The following ZSCAN2 variants were observed in gnomAD, a reference collection of about 807,000 sequenced individuals.
The protein encoded by ZSCAN2 is zinc finger and SCAN domain containing 2.
Under a neutral mutation model 47.8 loss-of-function variants are expected in ZSCAN2, and 26 were observed. The observed-to-expected ratio is 0.54, with a 90% CI of 0.40 to 0.75. The LOEUF (loss-of-function observed/expected upper bound fraction) is 0.75. ZSCAN2 is among the 30% of genes least tolerant of loss of function. The pLI is 0.00. For missense variants in ZSCAN2, 732 were observed against 785.4 expected, an observed-to-expected ratio of 0.93 and a Z score of 0.81; for synonymous variants, 305 against 288.7, an observed-to-expected ratio of 1.06 and a Z score of -0.57.
rs558009533 is a variant in ZSCAN2, at chr15:84,610,162, A to C, written c.406+5829A>C. Among the ~76,000 whole-genome samples the C allele has an allele frequency of 5.9e-5, 9 of 152,334 alleles. No individual in the cohort carries two copies. The South Asian group carries it at 8.3e-4, about 14-fold the overall frequency. On this transcript the variant is annotated intron_variant, in intron 2 of 2. Coordinates refer to ENST00000546148, the MANE Select transcript of ZSCAN2 (RefSeq NM_181877.4). Reference sequence around the variant, plus strand: ...CCTGTGGCCCTTCAGGGACTGTTCCAGTGAATGATTTTTGGACAGTGGTCA... The same window carrying C: ...CCTGTGGCCCTTCAGGGACTGTTCCCGTGAATGATTTTTGGACAGTGGTCA...
chr15:84,618,680 G>A (rs1194850903), intron 2 of ZSCAN2, among the ~76,000 whole-genome samples: 9 of 151,492 alleles, frequency 5.9e-5, no homozygotes, highest in Admixed American at 5.9e-4. Flanking sequence ...TCCTGCCTCA[G>A]CCTCCCAAGT....
rs1419951062 is a variant in ZSCAN2, at chr15:84,620,688, G to T, written c.493G>T (p.Glu165Ter). ...ESRKIFSEMPEGESAQHSDGE... is the reference protein window; with the variant it reads ...ESRKIFSEMP ...ACGTAAGATATTCTCGGAAATGCCT[G>T]AAGGTGAAAGTGCTCAGCACTCCGA... The change falls in exon 3 of 3, where the codon GAA (glutamate) becomes TAA (stop). Residue 165 changes from glutamate to a stop codon, truncating the protein, a stop_gained. Transcript: ENST00000546148. LOFTEE classifies it high-confidence loss of function. The T allele has an allele frequency of 1.2e-6, 2 of 1,614,120 alleles. No individual in the cohort carries two copies.
At chr15:84,613,037 T>C (rs554725190) in intron 2 of ZSCAN2, among the ~76,000 whole-genome samples, 1 of 152,348 alleles carries the variant, frequency 6.6e-6, no homozygotes, top group African/African-American at 2.4e-5. Flanking sequence ...CTTGAATTTT[T>C]CCATTTGAAT....
intron 2 of ZSCAN2, among the ~76,000 whole-genome samples, chr15:84,614,152 G>A (rs990120517): frequency 1.4e-5 from 2 of 146,798 alleles, no homozygotes; most frequent in South Asian, 2.2e-4. Context: ...CAACACACCC[G>A]GCTAATTCTG....
chr15:84,603,830 T>A lies in ZSCAN2; in HGVS notation c.-98T>A. On this transcript the variant is annotated 5_prime_UTR_variant, in exon 2 of 3. Transcript: ENST00000546148. Reference sequence around the variant, plus strand: ...TTTTTTGTTTCTCAGCGGGACTACTTGTTGATATTTGAGGAGGGAAGTGTC... The same window carrying A: ...TTTTTTGTTTCTCAGCGGGACTACTAGTTGATATTTGAGGAGGGAAGTGTC... The A allele has an allele frequency of 2.2e-6, 3 of 1,378,020 alleles. No homozygotes were observed. The highest frequency in any genetic ancestry group is 3.0e-6 in the Non-Finnish European group (3 of 1,007,010). The allele number at this position is 1,378,020 out of a possible 1,614,324, so 85.4% of individuals were successfully genotyped here.
intron 2 of ZSCAN2, chr15:84,606,963 C>G: frequency 1.4e-6 from 1 of 722,548 alleles, no homozygotes; most frequent in Non-Finnish European, 1.7e-6. Flanking sequence ...GACCTCTATT[C>G]TGTTTGTCCA....
chr15:84,610,627 C>T (rs907858815), intron 2 of ZSCAN2, among the ~76,000 whole-genome samples: 1 of 151,894 alleles, frequency 6.6e-6, no homozygotes, highest in Non-Finnish European at 1.5e-5. Flanking sequence ...GGTGGGACTA[C>T]AGGCACCCAC....
intron 2 of ZSCAN2, among the ~76,000 whole-genome samples, chr15:84,611,053 G>A (rs1895532884): frequency 6.6e-6 from 1 of 152,154 alleles, no homozygotes; most frequent in East Asian, 1.9e-4. Context: ...CAGCACTTTG[G>A]GAGGCCAAGG....
At chr15:84,602,789 A>G (rs1234496860) in intron 1 of ZSCAN2, among the ~76,000 whole-genome samples, 5 of 151,520 alleles carry the variant, frequency 3.3e-5, no homozygotes, top group South Asian at 2.1e-4. Flanking sequence ...GGGTTTCACT[A>G]TATTGGCCAG....
rs1436201202 is a variant in ZSCAN2 at position 84,603,884 on chromosome 15, G to A, written c.-44G>A. ...CCTGAGAGCCTGGCTGGAGAAGACT[G>A]AGGTCCAAGGCTTGAAGCCTAAGTG... On this transcript the variant is annotated 5_prime_UTR_variant, in exon 2 of 3. Coordinates refer to ENST00000546148, the MANE Select transcript of ZSCAN2 (RefSeq NM_181877.4). 2.5e-6 allele frequency: 4 copies of A among 1,573,230 alleles called. No homozygotes were observed. Among genetic ancestry groups the A allele is most frequent in the Non-Finnish European group, 2.6e-6 (3 of 1,156,634 alleles).
chr15:84,619,927 G>GT (rs1179673185), intron 2 of ZSCAN2, among the ~76,000 whole-genome samples: 31 of 72,870 alleles, frequency 4.3e-4, no homozygotes, highest in South Asian at 1.0e-3. Context: ...GCCTGGGTTG[G>GT]TTTTTTTTTT....
At chr15:84,610,786 C>CA (rs1895525907) in intron 2 of ZSCAN2, among the ~76,000 whole-genome samples, 2 of 152,144 alleles carry the variant, frequency 1.3e-5, no homozygotes, top group Middle Eastern at 6.8e-3. Context: ...TGCACCCAGC[C>CA]AAAACAGAAG....
Position 84,619,170 on chromosome 15 carries a change from G to A in ZSCAN2, c.407-1432G>A, listed in dbSNP as rs916331276. Reference sequence around the variant, plus strand: ...TTCATGGCTGGGCGCGGTGGCTCACGCCTGTAATCCCAGCACTTTGGGAGG... The same window carrying A: ...TTCATGGCTGGGCGCGGTGGCTCACACCTGTAATCCCAGCACTTTGGGAGG... On this transcript the variant is annotated intron_variant, in intron 2 of 2. Transcript: ENST00000546148. 5.9e-5 allele frequency among the ~76,000 whole-genome samples: 9 copies of A among 152,138 alleles called. No homozygotes were observed. In the South Asian group the frequency reaches 1.0e-3, roughly 17 times the overall value.
At chr15:84,612,127 TG>T (rs776920865) in intron 2 of ZSCAN2, 6 of 152,378 alleles carry the variant, frequency 3.9e-5, no homozygotes, top group Admixed American at 2.0e-4. Flanking sequence ...TCAGGGAGCC[TG>T]GAGGGGGCCA....
intron 2 of ZSCAN2, chr15:84,616,517 C>T: frequency 7.4e-7 from 1 of 1,355,834 alleles, no homozygotes; most frequent in Non-Finnish European, 9.5e-7. Context: ...TTGCTTTTAC[C>T]CAGTCTGCTG....
At chr15:84,603,157 A>G (rs891688238) in intron 1 of ZSCAN2, among the ~76,000 whole-genome samples, 2 of 152,198 alleles carry the variant, frequency 1.3e-5, no homozygotes, top group African/African-American at 2.4e-5. Context: ...CCATAAAAAC[A>G]GAAACATGAG....
In ZSCAN2 at chr15:84,621,372, A is replaced by AC; in HGVS notation, c.1179dup (p.Asp394ArgfsTer39). On this transcript the variant is annotated frameshift_variant, in exon 3 of 3. Transcript: ENST00000546148. LOFTEE classifies it high-confidence loss of function. This position sits in a 1 kb window ranked among gnomAD's most constrained non-coding sequence, Gnocchi z 5.7. ...CACAGGAGAGAAACCCTACAAATGTACCGACTGTGGGCAGAGGTTCAGCCA... is the reference window on the plus strand; with the variant it reads ...CACAGGAGAGAAACCCTACAAATGTACCCGACTGTGGGCAGAGGTTCAGCCA... 6.2e-7 allele frequency: 1 copy of AC among 1,613,790 alleles called. No individual in the cohort carries two copies. The highest frequency in any genetic ancestry group is 8.5e-7 in the Non-Finnish European group (1 of 1,179,918).
chr15:84,618,869 C>T (rs1407265496), intron 2 of ZSCAN2, among the ~76,000 whole-genome samples: 1 of 151,996 alleles, frequency 6.6e-6, no homozygotes, highest in Non-Finnish European at 1.5e-5. Context: ...CGGTGTCAGT[C>T]ATTAATTTCT....
chr15:84,604,145 C>T lies in ZSCAN2; in HGVS notation c.218C>T (p.Pro73Leu), dbSNP rs772221668. The change falls in exon 2 of 3, where the codon CCA (proline) becomes CTA (leucine). Residue 73 changes from proline to leucine, a missense_variant. Pro to Leu is a moderately conservative substitution (Grantham distance 98). Transcript: ENST00000546148. ...CCCCAGGAGGAGGTGACCAGGGGAC[C>T]ACAGGGTGCACTCGGCCGCCTCCGA... ...GGPQEEVTRG[P>L]QGALGRLREL... 6.2e-7 allele frequency: 1 copy of T among 1,613,744 alleles called. No individual in the cohort carries two copies. The highest frequency in any genetic ancestry group is 1.3e-5 in the African/African-American group (1 of 75,040).
Sources: gnomAD v4.1 joint callset for allele counts (sites outside exome capture counted in the v4.1 genomes callset) on GRCh38, gnomAD v4.1.1 for gene constraint, Gnocchi (gnomAD v3.1) non-coding constraint, MANE v1.5 for transcripts, NCBI Gene and HGNC (gene_info 2026-07-23, HGNC 2026-07-21) for gene names.